GSN: variants seen among roughly 807,000 people sequenced by gnomAD.
GSN encodes the protein gelsolin, also known as actin-depolymerizing factor.
GSN carries 56 observed loss-of-function variants against 85.7 expected under a neutral mutation model. That is an observed-to-expected ratio of 0.65 (90% CI 0.53 to 0.82). The LOEUF is 0.82. Among genes scored for constraint, GSN ranks in the 40% least tolerant of loss-of-function variants. GSN has a pLI of 0.00. For missense variants in GSN, 857 were observed against 979.8 expected (o/e 0.87, Z 1.67); for synonymous variants, 373 against 399.1 (o/e 0.93, Z 0.78).
intron 4 of GSN, among the ~76,000 whole-genome samples, chr9:121,227,356 T>C (rs2054290008): frequency 6.6e-6 from 1 of 151,358 alleles, no homozygotes; most frequent in Non-Finnish European, 1.5e-5. Flanking sequence ...GTGGCGCCAC[T>C]GCCCTCCAGC....
chr9:121,205,505 G>A (rs184079170), upstream of GSN, among the ~76,000 whole-genome samples: 37 of 152,282 alleles, frequency 2.4e-4, no homozygotes, highest in South Asian at 2.9e-3. Context: ...CAGCACTGGA[G>A]GGGCTTTGGA....
intron 10 of GSN, among the ~76,000 whole-genome samples, chr9:121,319,150 G>A (rs1177371869): frequency 6.6e-6 from 1 of 152,232 alleles, no homozygotes; most frequent in African/African-American, 2.4e-5. Context: ...GAAGATGGGA[G>A]GGAGCACAGG....
chr9:121,266,546 C>A (rs2055214444), upstream of GSN, among the ~76,000 whole-genome samples: 1 of 152,172 alleles, frequency 6.6e-6, no homozygotes, highest in African/African-American at 2.4e-5. Flanking sequence ...GAAAGTGGAA[C>A]TGGGCAGAAT....
At chr9:121,323,765 G>A (rs1223082633) in intron 11 of GSN, among the ~76,000 whole-genome samples, 1 of 152,076 alleles carries the variant, frequency 6.6e-6, no homozygotes, top group Non-Finnish European at 1.5e-5. Context: ...TATGGCAGTT[G>A]CCCGGTCTTT....
chr9:121,230,971 A>G (rs2054377318), intron 4 of GSN, among the ~76,000 whole-genome samples: 1 of 152,214 alleles, frequency 6.6e-6, no homozygotes, highest in Non-Finnish European at 1.5e-5. Context: ...TGCAAACTTC[A>G]CAGCATCACT....
At chr9:121,230,758 C>T (rs187943245) in intron 4 of GSN, among the ~76,000 whole-genome samples, 11 of 152,282 alleles carry the variant, frequency 7.2e-5, no homozygotes, top group Admixed American at 3.9e-4. Context: ...ACAAAAGCTA[C>T]CTTTACCATC....
At position 121,332,461 on chromosome 9, in the gene GSN, C is replaced by G. The variant is rs1554828093; in HGVS notation, c.2054C>G (p.Ala685Gly). 2 of 1,614,142 alleles carry G rather than the reference C, an allele frequency of 1.2e-6. No homozygotes were observed. The highest frequency in any genetic ancestry group is 3.3e-5 in the Admixed American group (2 of 60,028). Reference sequence around the variant, plus strand: ...AAGCGGTACATCGAGACGGACCCAGCCAATCGGGATCGGCGGACGCCCATC... The same window carrying G: ...AAGCGGTACATCGAGACGGACCCAGGCAATCGGGATCGGCGGACGCCCATC... ...SAKRYIETDP[A>G]NRDRRTPITV... is the part of the protein sequence containing the mutation. The change falls in exon 18 of 18, where the codon GCC becomes GGC. Residue 685 changes from alanine to glycine, a missense_variant. Physicochemically the swap from Ala to Gly is moderately conservative, Grantham distance 60. Transcript: ENST00000432226. The surrounding 1 kb of genome is among the most constrained non-coding windows in gnomAD (Gnocchi z 4.8).
chr9:121,326,642 A>G lies in GSN; in HGVS notation c.1547A>G (p.Gln516Arg), dbSNP rs780840732. The G allele has an allele frequency of 1.2e-6, 2 of 1,608,364 alleles. No individual in the cohort carries two copies. The highest frequency in any genetic ancestry group is 2.2e-5 in the East Asian group (1 of 44,652). Reference sequence around the variant, plus strand: ...GCCCCTGCCAGCACCCGCCTCTTCCAGGTCCGCGCCAACAGCGCTGGAGCC... The same window carrying G: ...GCCCCTGCCAGCACCCGCCTCTTCCGGGTCCGCGCCAACAGCGCTGGAGCC... ...QTAPASTRLF[Q>R]VRANSAGATR... Residue 516 changes from glutamine to arginine, a missense_variant, in exon 13 of 18, where the codon CAG (glutamine) becomes CGG (arginine). Coordinates refer to ENST00000432226, the MANE Select transcript of GSN (RefSeq NM_198252.3).
Position 121,312,503 on chromosome 9 carries a change from C to T in GSN, c.663+15C>T, listed in dbSNP as rs200748511. On this transcript the variant is annotated intron_variant, in intron 6 of 17. Transcript: ENST00000432226. ...CGATGCTCCAGGTGCCTGTGGGGTG[C>T]GCAATGGGGTGGCCATGGGGACACG... 43 of 1,596,224 alleles carry T rather than the reference C, an allele frequency of 2.7e-5. No homozygotes were observed. The African/African-American group carries it at 4.0e-4, about 15-fold the overall frequency.
chr9:121,281,577 A>G lies in GSN; in HGVS notation c.-10+15A>G, dbSNP rs772499287. Reference sequence around the variant, plus strand: ...AGCCTTGTTAGGTAGGTAGAGCAATACAGACACCTGTCGTCCTCTTAAACC... The same window carrying G: ...AGCCTTGTTAGGTAGGTAGAGCAATGCAGACACCTGTCGTCCTCTTAAACC... On this transcript the variant is annotated intron_variant, in intron 2 of 17. Coordinates refer to ENST00000432226, the MANE Select transcript of GSN (RefSeq NM_198252.3). 19 of 468,718 alleles carry G rather than the reference A, an allele frequency of 4.1e-5. No homozygotes were observed. The highest frequency in any genetic ancestry group is 8.0e-5 in the Non-Finnish European group (18 of 225,964). The allele number at this position is 468,718 out of a possible 1,614,324, so 29.0% of individuals were successfully genotyped here.
intron 4 of GSN, among the ~76,000 whole-genome samples, chr9:121,305,679 T>G (rs561662512): frequency 6.6e-6 from 1 of 152,278 alleles, no homozygotes; most frequent in South Asian, 2.1e-4. Context: ...CAGGATGTTC[T>G]TGGATCACAC....
chr9:121,246,836 G>A (rs2054709026), intron 5 of GSN, among the ~76,000 whole-genome samples: 1 of 152,176 alleles, frequency 6.6e-6, no homozygotes, highest in Middle Eastern at 3.2e-3. Flanking sequence ...TGGAAGAAGA[G>A]CTTGATTGGT....
chr9:121,226,782 G>A (rs946122556), intron 4 of GSN, among the ~76,000 whole-genome samples: 4 of 152,184 alleles, frequency 2.6e-5, no homozygotes, highest in Admixed American at 6.5e-5. Context: ...TTGGGCTCCC[G>A]GATGGGGGCT....
exon 2 of GSN, chr9:121,209,316 G>C (rs1341191643): frequency 6.6e-6 from 1 of 151,874 alleles, no homozygotes; most frequent in Non-Finnish European, 1.5e-5. Flanking sequence ...AGCACGGAGA[G>C]GAACCAAGAA....
intron 4 of GSN, among the ~76,000 whole-genome samples, chr9:121,229,302 C>A (rs2054340479): frequency 6.6e-6 from 1 of 152,186 alleles, no homozygotes; most frequent in African/African-American, 2.4e-5. Context: ...CTCACTGCAA[C>A]CTCCACCTCC....
chr9:121,211,788 C>A (rs2132074637), intron 4 of GSN, among the ~76,000 whole-genome samples: 2 of 152,266 alleles, frequency 1.3e-5, no homozygotes, highest in Middle Eastern at 6.8e-3. Context: ...ATCTCCTCTT[C>A]CGTTCTCTCC....
At chr9:121,210,531 G>T (rs1166931288) in intron 3 of GSN, among the ~76,000 whole-genome samples, 1 of 152,210 alleles carries the variant, frequency 6.6e-6, no homozygotes, top group Non-Finnish European at 1.5e-5. Flanking sequence ...GACAGCCACT[G>T]AGAGCTGCTA....
intron 2 of GSN, chr9:121,286,868 C>T (rs1262266925): frequency 3.4e-6 from 3 of 887,836 alleles, no homozygotes; most frequent in African/African-American, 3.3e-5. Context: ...CCTCTCTGAG[C>T]TTTTGTTCCT....
intron 5 of GSN, among the ~76,000 whole-genome samples, chr9:121,241,517 C>G (rs1416522939): frequency 6.6e-6 from 1 of 152,140 alleles, no homozygotes; most frequent in Non-Finnish European, 1.5e-5. Context: ...GTAACCTCTT[C>G]GGGCCTTAGT....
Sources: allele counts gnomAD v4.1 joint callset (sites outside exome capture counted in the v4.1 genomes callset), GRCh38; gene constraint gnomAD v4.1.1; non-coding constraint Gnocchi (gnomAD v3.1); transcripts MANE v1.5; gene names NCBI Gene and HGNC (gene_info 2026-07-23, HGNC 2026-07-21).